Variants in CELSR1 observed in about 807,000 individuals in gnomAD.
CELSR1 encodes adhesion G protein-coupled receptor C1.
In CELSR1, 110 loss-of-function variants were observed where a neutral mutation model predicts 249.1. The ratio of observed to expected loss-of-function variants is 0.44; its 90% confidence interval spans 0.38 to 0.52. CELSR1 has a LOEUF of 0.52. CELSR1 is among the 20% of genes least tolerant of loss of function. The pLI, the probability that CELSR1 is intolerant of heterozygous loss-of-function variation, is 0.00. For missense variants in CELSR1, 4,109 were observed against 4,296.4 expected (o/e 0.96, Z 1.22); for synonymous variants, 2,113 against 1,900.0 (o/e 1.11, Z -2.92).
rs181985673 is a variant in CELSR1, at chr22:46,502,909, C to T, written c.3544+30718G>A. Among the ~76,000 whole-genome samples, 526 of 152,268 alleles carry T rather than the reference C, an allele frequency of 3.5e-3. 3 individuals are homozygous for T. Among genetic ancestry groups the T allele is most frequent in the African/African-American group, 0.012 (496 of 41,538 alleles). On this transcript the variant is annotated intron_variant, in intron 1 of 34. Coordinates refer to ENST00000674500, the MANE Select transcript of CELSR1 (RefSeq NM_001378328.1). Reference sequence around the variant, plus strand: ...CCACTGCTGACCTTAACATAATTCCCGGGAGACAGCAAGCTGCACAAGAGT... The same window carrying T: ...CCACTGCTGACCTTAACATAATTCCTGGGAGACAGCAAGCTGCACAAGAGT...
At chr22:46,365,154 G>A (rs1007905974) in intron 32 of CELSR1, 77 bp downstream of exon 32, 2 of 1,521,356 alleles carry the variant, frequency 1.3e-6, no homozygotes, top group East Asian at 2.3e-5. Context: ...GGGAGGAAGG[G>A]ACCCAGCCAT....
Position 46,469,362 on chromosome 22 carries a change from T to TCCTTCTCA in CELSR1, c.3545-5018_3545-5017insTGAGAAGG, listed in dbSNP as rs2080130149. ...CCGGGGCCTTTGCGCATCTCCTGGC[T>TCCTTCTCA]GGAGCACTGCCCTCCTTCTCAGACA... On this transcript the variant is annotated intron_variant, in intron 1 of 34. Coordinates refer to ENST00000674500, the MANE Select transcript of CELSR1 (RefSeq NM_001378328.1). Among the ~76,000 whole-genome samples, 3 of 152,208 alleles carry TCCTTCTCA rather than the reference T, an allele frequency of 2.0e-5. No individual in the cohort carries two copies. The East Asian group carries it at 5.8e-4, about 29-fold the overall frequency.
At chr22:46,444,418 G>C (rs533340663) in intron 2 of CELSR1, among the ~76,000 whole-genome samples, 1 of 152,184 alleles carries the variant, frequency 6.6e-6, no homozygotes, top group African/African-American at 2.4e-5. Flanking sequence ...CTGCCCCCGA[G>C]GGGGGCACCT....
At chr22:46,415,235 C>T (rs1007456441) in intron 5 of CELSR1, among the ~76,000 whole-genome samples, 10 of 152,106 alleles carry the variant, frequency 6.6e-5, no homozygotes, top group African/African-American at 1.2e-4. Context: ...CTGCAACCTC[C>T]GCCTCCCAGG....
In CELSR1 at chr22:46,436,238, A is replaced by G; in HGVS notation, c.4458T>C (p.Asn1486=). 1.9e-6 allele frequency: 3 copies of G among 1,614,080 alleles called. No homozygotes were observed. The highest frequency in any genetic ancestry group is 2.5e-6 in the Non-Finnish European group (3 of 1,179,942). ...NGLLLYNGRF[N]EKHDFIALEI... is the part of the protein sequence containing the mutation. ...CCAGGGCGATGAAGTCGTGCTTCTC[A>G]TTGAAGCGGCCGTTGTAGAGAAGCA... Residue 1486 remains asparagine (N), a synonymous_variant, in exon 4 of 35, where the codon AAT becomes AAC. Coordinates refer to ENST00000674500, the MANE Select transcript of CELSR1 (RefSeq NM_001378328.1). This position sits in a 1 kb window ranked among gnomAD's most constrained non-coding sequence, Gnocchi z 5.9.
At chr22:46,461,390 G>C (rs2080024735) in intron 2 of CELSR1, among the ~76,000 whole-genome samples, 1 of 152,184 alleles carries the variant, frequency 6.6e-6, no homozygotes, top group African/African-American at 2.4e-5. Context: ...CTCAGAAGGT[G>C]GGTTCCCCCC....
chr22:46,457,883 ACT>A (rs2079975477), intron 2 of CELSR1, among the ~76,000 whole-genome samples: 1 of 152,140 alleles, frequency 6.6e-6, no homozygotes, highest in Admixed American at 6.5e-5. Flanking sequence ...CACAGGCAGC[ACT>A]CTGACCACAA....
At chr22:46,371,266 G>A (rs2078848330) in intron 25 of CELSR1, among the ~76,000 whole-genome samples, 2 of 151,722 alleles carry the variant, frequency 1.3e-5, no homozygotes, top group Admixed American at 1.3e-4. Flanking sequence ...TGACGTTGCT[G>A]TGGAGACCAG....
Position 46,364,106 on chromosome 22 carries a change from G to T in CELSR1, c.8925C>A (p.Asp2975Glu). ...CAGGGCTCTTGACTGTGATGGCGCA[G>T]TCGGGGCCGCCAGAGCCCAGGGAAG... is the stretch of plus-strand genomic sequence containing the variant. Reference protein sequence around the residue: ...RTSSLGSGGPDCAITVKSPGR... With the variant: ...RTSSLGSGGPECAITVKSPGR... Residue 2975 changes from aspartate to glutamate, a missense_variant, in exon 34 of 35, where the codon GAC (aspartate) becomes GAA (glutamate). By Grantham distance (45) the Asp-to-Glu change is conservative. Around this residue, in one of 7 missense-constraint regions of CELSR1, gnomAD observed 1,805 missense variants for 1,831.6 expected, o/e 0.99. Transcript: ENST00000674500. The T allele has an allele frequency of 6.2e-7, 1 of 1,612,310 alleles. No homozygotes were observed. Among genetic ancestry groups the T allele is most frequent in the Non-Finnish European group, 8.5e-7 (1 of 1,179,626 alleles).
chr22:46,453,101 C>T (rs2079905246), intron 2 of CELSR1, among the ~76,000 whole-genome samples: 1 of 152,152 alleles, frequency 6.6e-6, no homozygotes, highest in Non-Finnish European at 1.5e-5. Flanking sequence ...CGGAGGGAGG[C>T]AGGTTGGGGG....
Position 46,374,780 on chromosome 22 carries a change from G to C in CELSR1, c.7585-1723C>G, listed in dbSNP as rs770478653. ...TCTCAGAGCCTTCCCAGACCAATGC[G>C]CGGATGAGAACGTGCCCATTGCGGG... is the stretch of plus-strand genomic sequence containing the variant. On this transcript the variant is annotated intron_variant, in intron 24 of 34. Transcript: ENST00000674500. This position sits in a 1 kb window ranked among gnomAD's most constrained non-coding sequence, Gnocchi z 4.3. Among the ~76,000 whole-genome samples, 1 of 152,160 alleles carries C rather than the reference G, an allele frequency of 6.6e-6. No individual in the cohort carries two copies. The highest frequency in any genetic ancestry group is 1.5e-5 in the Non-Finnish European group (1 of 68,032).
At position 46,389,480 on chromosome 22, in the gene CELSR1, T is replaced by C. The variant is rs371910410; in HGVS notation, c.6365A>G (p.Asn2122Ser). 18 of 1,613,334 alleles carry C rather than the reference T, an allele frequency of 1.1e-5. No homozygotes were observed. The highest frequency in any genetic ancestry group is 1.4e-5 in the Non-Finnish European group (17 of 1,179,998). ...LRAMNEKLSRNETQVDGARAL... is the reference protein window; with the variant it reads ...LRAMNEKLSRSETQVDGARAL... ...CCTGGCGCCGTCCACCTGCGTCTCA[T>C]TGCGGCTCAGCTTCTCATTCTGGAA... Residue 2122 changes from asparagine to serine, a missense_variant, in exon 18 of 35, where the codon AAT (asparagine) becomes AGT (serine). By Grantham distance (46) the Asn-to-Ser change is conservative. Transcript: ENST00000674500.
At chr22:46,439,132 G>A (rs1335474422) in intron 3 of CELSR1, 57 bp downstream of exon 3, 1 of 1,496,038 alleles carries the variant, frequency 6.7e-7, no homozygotes, top group Non-Finnish European at 9.2e-7. Flanking sequence ...GGTGCACGGA[G>A]AAGCTCGCCC....
rs567056268 is a variant in CELSR1 at position 46,527,824 on chromosome 22, G to A, written c.3544+5803C>T. ...AGATGGTCCGACCCAGGCTGGGAGCGGTGGCTCACGCCTGTAATCCCAGCA... is the reference window on the plus strand; with the variant it reads ...AGATGGTCCGACCCAGGCTGGGAGCAGTGGCTCACGCCTGTAATCCCAGCA... On this transcript the variant is annotated intron_variant, in intron 1 of 34. Transcript: ENST00000674500. The surrounding 1 kb of genome is among the most constrained non-coding windows in gnomAD (Gnocchi z 5.5). 8.5e-4 allele frequency among the ~76,000 whole-genome samples: 130 copies of A among 152,286 alleles called. 1 individual carries two copies. The highest frequency in any genetic ancestry group is 3.0e-3 in the African/African-American group (124 of 41,556).
chr22:46,477,644 G>T (rs1430092018), intron 1 of CELSR1, among the ~76,000 whole-genome samples: 12 of 151,592 alleles, frequency 7.9e-5, no homozygotes, highest in African/African-American at 1.2e-4. Context: ...AGTAGCTGGG[G>T]CTACAGACGT....
Position 46,439,264 on chromosome 22 carries a change from G to A in CELSR1, c.4331C>T (p.Thr1444Ile), listed in dbSNP as rs1569163550. 2 of 1,614,162 alleles carry A rather than the reference G, an allele frequency of 1.2e-6. No homozygotes were observed. The highest frequency in any genetic ancestry group is 1.1e-5 in the South Asian group (1 of 91,086). ...EYERPYCEVT[T>I]RSFPPQSFVT... ...GAAGGACTGGGGCGGGAAGCTCCTG[G>A]TGGTCACCTCACAGTAGGGCCTCTC... The change falls in exon 3 of 35, where the codon ACC (threonine) becomes ATC (isoleucine). Residue 1444 changes from threonine (T) to isoleucine (I), a missense_variant. Thr to Ile is a moderately conservative substitution (Grantham distance 89). Coordinates refer to ENST00000674500, the MANE Select transcript of CELSR1 (RefSeq NM_001378328.1).
At chr22:46,480,823 C>CT (rs1172937884) in intron 1 of CELSR1, among the ~76,000 whole-genome samples, 1 of 152,240 alleles carries the variant, frequency 6.6e-6, no homozygotes, top group African/African-American at 2.4e-5. Context: ...TTTAGCACCA[C>CT]TTTTTTCCGT....
intron 1 of CELSR1, among the ~76,000 whole-genome samples, chr22:46,509,506 T>G (rs939623776): frequency 5.3e-5 from 1 of 18,880 alleles, no homozygotes; most frequent in Non-Finnish European, 1.4e-4. Context: ...CCCACTTCCA[T>G]GGCAGTCATC....
intron 1 of CELSR1, among the ~76,000 whole-genome samples, chr22:46,501,804 C>T (rs2080468840): frequency 6.6e-6 from 1 of 152,188 alleles, no homozygotes; most frequent in Non-Finnish European, 1.5e-5. Context: ...AAAAAGAATT[C>T]CCGAAGAGTT....
Sources: allele counts gnomAD v4.1 joint callset (sites outside exome capture counted in the v4.1 genomes callset), GRCh38; gene constraint gnomAD v4.1.1; regional missense constraint gnomAD v4.1.1; non-coding constraint Gnocchi (gnomAD v3.1); transcripts MANE v1.5; gene names NCBI Gene and HGNC (gene_info 2026-07-23, HGNC 2026-07-21).